Variants in MIS18BP1 observed in about 807,000 individuals in gnomAD.
The protein encoded by MIS18BP1 is mis18-binding protein 1.
In MIS18BP1, 72 loss-of-function variants were observed where a neutral mutation model predicts 116.1. The ratio of observed to expected loss-of-function variants is 0.62; its 90% CI spans 0.51 to 0.75. The LOEUF (loss-of-function observed/expected upper bound fraction) is 0.75. MIS18BP1 is among the 30% of genes least tolerant of loss of function. MIS18BP1 has a pLI of 0.00. For synonymous variants in MIS18BP1, 386 were observed against 427.0 expected (o/e 0.90, Z 1.18); for missense variants, 1,363 against 1,303.2 (o/e 1.05, Z -0.71).
At chr14:45,228,662 TG>T (rs1441435591) in intron 8 of MIS18BP1, among the ~76,000 whole-genome samples, 1 of 152,212 alleles carries the variant, frequency 6.6e-6, no homozygotes, top group East Asian at 1.9e-4. Flanking sequence ...AAAAACATTT[TG>T]TTATTTTTCT....
chr14:45,206,235 A>T lies in MIS18BP1; in HGVS notation c.3153-65T>A, dbSNP rs2139135230. Reference sequence around the variant, plus strand: ...TAAGTCAACCTAATAATTTTAAGTTAACTGTCATACTTTTAACCACAGGTT... The same window carrying T: ...TAAGTCAACCTAATAATTTTAAGTTTACTGTCATACTTTTAACCACAGGTT... On this transcript the variant is annotated intron_variant, in intron 14 of 16. Coordinates refer to ENST00000310806, the MANE Select transcript of MIS18BP1 (RefSeq NM_018353.5). 2.8e-6 allele frequency: 3 copies of T among 1,078,756 alleles called. No individual in the cohort carries two copies. In the African/African-American group the frequency reaches 4.8e-5, roughly 17 times the overall value. 66.8% of individuals were successfully genotyped at this position (1,078,756 alleles called of 1,614,324 possible). A position where few individuals can be genotyped will look rare whatever the true frequency, so the allele number is the denominator to read the frequency against.
intron 6 of MIS18BP1, among the ~76,000 whole-genome samples, chr14:45,235,229 C>G (rs976701283): frequency 6.9e-6 from 1 of 145,162 alleles, no homozygotes; most frequent in African/African-American, 2.5e-5. Context: ...AAAACAACCC[C>G]AAGCCTCTTA....
intron 12 of MIS18BP1, 131 bp from the exon 13 acceptor site, chr14:45,217,310 C>T: frequency 9.8e-7 from 1 of 1,025,412 alleles, no homozygotes; most frequent in Admixed American, 2.5e-5. Flanking sequence ...CAGCCTTGGC[C>T]AGGCTCAGTG....
intron 6 of MIS18BP1, among the ~76,000 whole-genome samples, chr14:45,234,474 A>C (rs1459034628): frequency 6.6e-6 from 1 of 152,152 alleles, no homozygotes; most frequent in Non-Finnish European, 1.5e-5. Context: ...TCCATAATAA[A>C]AGCAGGTGTT....
chr14:45,243,169 A>T (rs1022339052), intron 2 of MIS18BP1, among the ~76,000 whole-genome samples: 10 of 152,284 alleles, frequency 6.6e-5, no homozygotes, highest in Admixed American at 2.6e-4. Context: ...AAACCTAGAG[A>T]TCTGAAATTC....
intron 1 of MIS18BP1, among the ~76,000 whole-genome samples, chr14:45,249,465 T>C (rs953623609): frequency 6.6e-6 from 1 of 152,204 alleles, no homozygotes; most frequent in Non-Finnish European, 1.5e-5. Flanking sequence ...AAGTGATCCT[T>C]CTGATTTGGC....
intron 11 of MIS18BP1, 93 bp downstream of exon 11, chr14:45,223,818 TAATGACA>T: frequency 5.9e-6 from 5 of 843,082 alleles, no homozygotes; most frequent in Non-Finnish European, 7.1e-6. Flanking sequence ...CCCTTTTTTT[TAATGACA>T]TCTTCCATGT....
Position 45,235,670 on chromosome 14 carries a change from C to CAGTTTTATACA in MIS18BP1, c.1348+143_1348+144insTGTATAAAACT, listed in dbSNP as rs112811061. 1,371 of 541,568 alleles carry CAGTTTTATACA rather than the reference C, an allele frequency of 2.5e-3. 24 individuals are homozygous for CAGTTTTATACA. Among genetic ancestry groups the CAGTTTTATACA allele is most frequent in the African/African-American group, 0.024 (1,221 of 49,862 alleles). 33.5% of individuals were successfully genotyped at this position (541,568 alleles called of 1,614,324 possible). A position where few individuals can be genotyped will look rare whatever the true frequency, so the allele number is the denominator to read the frequency against. On this transcript the variant is annotated intron_variant, in intron 6 of 16. Coordinates refer to ENST00000310806, the MANE Select transcript of MIS18BP1 (RefSeq NM_018353.5). ...TGATAAAAATCAGAAAAAAAATTAC[C>CAGTTTTATACA]AGTTTTATATAATATCAGTTGTTTT...
chr14:45,232,756 A>G lies in MIS18BP1; in HGVS notation c.1413T>C (p.Ile471=). The change falls in exon 7 of 17, where the codon ATT becomes ATC. Residue 471 remains isoleucine, a synonymous_variant. Coordinates refer to ENST00000310806, the MANE Select transcript of MIS18BP1 (RefSeq NM_018353.5). ...ACCTTAATTGTTCCAGAAAATTATC[A>G]ATGTGCTCTTTCCAATTTTCTGGAA... ...FGFPENWKEH[I]DNFLEQLRAG... is the part of the protein sequence containing the mutation. 6.8e-7 allele frequency: 1 copy of G among 1,476,826 alleles called. No individual in the cohort carries two copies. The highest frequency in any genetic ancestry group is 2.4e-5 in the East Asian group (1 of 40,926). 91.5% of individuals were successfully genotyped at this position (1,476,826 alleles called of 1,614,324 possible). A position where few individuals can be genotyped will look rare whatever the true frequency, so the allele number is the denominator to read the frequency against.
chr14:45,244,246 A>G (rs1891668130), intron 2 of MIS18BP1, among the ~76,000 whole-genome samples: 1 of 152,228 alleles, frequency 6.6e-6, no homozygotes, highest in Admixed American at 6.5e-5. Context: ...CCATTTATAG[A>G]CCACTAATGG....
intron 13 of MIS18BP1, among the ~76,000 whole-genome samples, chr14:45,212,632 A>C (rs889257362): frequency 2.0e-5 from 3 of 152,240 alleles, no homozygotes; most frequent in African/African-American, 7.2e-5. Context: ...GAAACTGGGC[A>C]AGTGGGCTCA....
At chr14:45,222,585 G>GTT (rs1891003938) in intron 11 of MIS18BP1, among the ~76,000 whole-genome samples, 1 of 152,174 alleles carries the variant, frequency 6.6e-6, no homozygotes, top group Non-Finnish European at 1.5e-5. Context: ...CTGCAGTGCT[G>GTT]TTAGGATCTT....
intron 14 of MIS18BP1, among the ~76,000 whole-genome samples, chr14:45,208,415 C>T (rs1446413190): frequency 6.6e-6 from 1 of 150,768 alleles, no homozygotes; most frequent in Non-Finnish European, 1.5e-5. Context: ...TCACTGCAAC[C>T]TCTGCCTCCC....
At chr14:45,228,255 ACT>A (rs1229243128) in intron 8 of MIS18BP1, among the ~76,000 whole-genome samples, 2 of 152,118 alleles carry the variant, frequency 1.3e-5, no homozygotes, top group Non-Finnish European at 2.9e-5. Context: ...GGAAAGAATC[ACT>A]CTGTATAGCG....
chr14:45,230,283 T>C (rs1422465265), intron 8 of MIS18BP1, among the ~76,000 whole-genome samples: 1 of 152,206 alleles, frequency 6.6e-6, no homozygotes, highest in Non-Finnish European at 1.5e-5. Context: ...GATTATAGTG[T>C]TGGCAAAGAG....
Position 45,204,389 on chromosome 14 carries a change from A to G in MIS18BP1, c.3295+10T>C. 2 of 1,600,564 alleles carry G rather than the reference A, an allele frequency of 1.2e-6. No homozygotes were observed. Among genetic ancestry groups the G allele is most frequent in the Non-Finnish European group, 1.7e-6 (2 of 1,175,110 alleles). On this transcript the variant is annotated intron_variant, in intron 16 of 16. Coordinates refer to ENST00000310806, the MANE Select transcript of MIS18BP1 (RefSeq NM_018353.5). ...AACTGAGCCACAAAAGAAAGCTGTA[A>G]GTGTATTACCTGTGTTAAATGGGGT...
At chr14:45,237,408 C>T (rs567445803) in intron 5 of MIS18BP1, among the ~76,000 whole-genome samples, 1 of 152,214 alleles carries the variant, frequency 6.6e-6, no homozygotes, top group East Asian at 1.9e-4. Flanking sequence ...AAAAAATAAA[C>T]CACTATACAA....
chr14:45,241,952 T>G (rs1319418787), intron 4 of MIS18BP1, 82 bp downstream of exon 4: 1 of 1,423,798 alleles, frequency 7.0e-7, no homozygotes, highest in African/African-American at 1.4e-5. Flanking sequence ...AGAAAAAAAA[T>G]AATGAGAGAA....
intron 9 of MIS18BP1, among the ~76,000 whole-genome samples, chr14:45,227,455 G>T (rs966828362): frequency 6.6e-6 from 1 of 150,684 alleles, no homozygotes; most frequent in Non-Finnish European, 1.5e-5. Flanking sequence ...TGAGGCAGGA[G>T]AATCACTTGA....
Sources: gnomAD v4.1 joint callset for allele counts (sites outside exome capture counted in the v4.1 genomes callset) on GRCh38, gnomAD v4.1.1 for gene constraint, MANE v1.5 for transcripts, NCBI Gene and HGNC (gene_info 2026-07-23, HGNC 2026-07-21) for gene names.